EFNA1: variants seen among roughly 807,000 people sequenced by gnomAD.
The protein encoded by EFNA1 is ephrin A1, also known as ephrin-A1.
Under a neutral mutation model 23.2 loss-of-function variants are expected in EFNA1, and 8 were observed. The ratio of observed to expected loss-of-function variants is 0.34; its 90% CI spans 0.20 to 0.62. The LOEUF (loss-of-function observed/expected upper bound fraction) is 0.62. Ranked by LOEUF, EFNA1 falls within the 20% of genes least tolerant of loss-of-function variation. EFNA1 has a pLI of 0.75. For synonymous variants in EFNA1, 89 were observed against 98.6 expected (o/e 0.90, Z 0.58); for missense variants, 217 against 260.0 (o/e 0.83, Z 1.14).
chr1:155,131,546 C>T lies in EFNA1; in HGVS notation c.300C>T (p.Gly100=). 2 of 1,613,746 alleles carry T rather than the reference C, an allele frequency of 1.2e-6. No homozygotes were observed. Among genetic ancestry groups the T allele is most frequent in the Non-Finnish European group, 1.7e-6 (2 of 1,179,912 alleles). Residue 100 remains glycine, a synonymous_variant, in exon 2 of 5, where the codon GGC becomes GGT. Transcript: ENST00000368407. ...GCAACCGGCCCAGTGCCAAGCATGG[C>T]CCGGAGAAGCTGTCTGAGAAGTTCC... ...WQCNRPSAKH[G]PEKLSEKFQR...
chr1:155,130,659 G>A (rs1664220654), intron 1 of EFNA1: 1 of 985,226 alleles, frequency 1.0e-6, no homozygotes, highest in African/African-American at 1.7e-5. Context: ...GTATAACTTT[G>A]AGTAGCTAGA....
chr1:155,133,297 G>A (rs1198429572), intron 2 of EFNA1, among the ~76,000 whole-genome samples: 1 of 152,146 alleles, frequency 6.6e-6, no homozygotes, highest in African/African-American at 2.4e-5. Context: ...CAGTGTCTAT[G>A]CTGAGGGTTA....
chr1:155,130,506 AGAGAGGG>A (rs1435250814), intron 1 of EFNA1: 9 of 972,906 alleles, frequency 9.3e-6, no homozygotes, highest in African/African-American at 1.9e-5. Flanking sequence ...GAGAGAGGGG[AGAGAGGG>A]GAGAGGGGAG....
At position 155,134,256 on chromosome 1, in the gene EFNA1, C is replaced by T. The variant is rs146467377; in HGVS notation, c.*189C>T. 374 of 606,278 alleles carry T rather than the reference C, an allele frequency of 6.2e-4. 1 individual carries two copies. The African/African-American group carries it at 6.6e-3, about 11-fold the overall frequency. 37.6% of individuals were successfully genotyped at this position (606,278 alleles called of 1,614,324 possible). On this transcript the variant is annotated 3_prime_UTR_variant, in exon 5 of 5. Transcript: ENST00000368407. The stretch of plus-strand genomic sequence containing the variant: ...TTTCAACCGGAAGGAGGCCAACCAG[C>T]CCGACAGTGCCATCCCCACCTTCAC...
At position 155,133,995 on chromosome 1, in the gene EFNA1, T is replaced by G. The variant is rs1442400747; in HGVS notation, c.546T>G (p.Ser182Arg). 8 of 1,614,154 alleles carry G rather than the reference T, an allele frequency of 5.0e-6. No homozygotes were observed. Among genetic ancestry groups the G allele is most frequent in the Non-Finnish European group, 6.8e-6 (8 of 1,180,030 alleles). Residue 182 changes from serine to arginine, a missense_variant, in exon 5 of 5, where the codon AGT (serine) becomes AGG (arginine). Coordinates refer to ENST00000368407, the MANE Select transcript of EFNA1 (RefSeq NM_004428.3). ...EVRVLHSIGH[S>R]AAPRLFPLAW... ...GGGTTCTACATAGCATCGGTCACAGTGCTGCCCCACGCCTCTTCCCACTTG... is the reference window on the plus strand; with the variant it reads ...GGGTTCTACATAGCATCGGTCACAGGGCTGCCCCACGCCTCTTCCCACTTG...
chr1:155,131,268 A>G, intron 1 of EFNA1, 71 bp from the exon 2 acceptor site: 1 of 1,535,124 alleles, frequency 6.5e-7, no homozygotes, highest in South Asian at 1.2e-5. Context: ...TCATGTAAAC[A>G]TTCAGAGGCC....
chr1:155,130,433 C>T, intron 1 of EFNA1: 1 of 859,190 alleles, frequency 1.2e-6, no homozygotes. Context: ...GGGGAATGAA[C>T]TAGGGGAGGG....
rs551006267 is a variant in EFNA1 at position 155,131,463 on chromosome 1, G to C, written c.217G>C (p.Glu73Gln). 4.2e-5 allele frequency: 68 copies of C among 1,614,008 alleles called. No individual in the cohort carries two copies. In the Admixed American group the frequency reaches 7.0e-4, roughly 17 times the overall value. The change falls in exon 2 of 5, where the codon GAG (glutamate) becomes CAG (glutamine). Residue 73 changes from glutamate (E) to glutamine (Q), a missense_variant. Transcript: ENST00000368407. ...GGAGCAGTACATACTGTACCTGGTG[G>C]AGCATGAGGAGTACCAGCTGTGCCA... ...AMEQYILYLV[E>Q]HEEYQLCQPQ... is the part of the protein sequence containing the mutation.
intron 1 of EFNA1, chr1:155,130,594 G>A (rs1664219250): frequency 1.0e-6 from 1 of 985,224 alleles, no homozygotes; most frequent in Non-Finnish European, 1.2e-6. Flanking sequence ...GGCTTTTAGA[G>A]ATAAAAGGAC....
rs1428550131 is a variant in EFNA1, at chr1:155,134,383, G to A, written c.*316G>A. Reference sequence around the variant, plus strand: ...CAGGCATGGTCCCTTAAGGCACAGTGGGAGCTGAGCTGGAAGGGGCCACGT... The same window carrying A: ...CAGGCATGGTCCCTTAAGGCACAGTAGGAGCTGAGCTGGAAGGGGCCACGT... On this transcript the variant is annotated 3_prime_UTR_variant, in exon 5 of 5. Coordinates refer to ENST00000368407, the MANE Select transcript of EFNA1 (RefSeq NM_004428.3). 6.1e-5 allele frequency: 24 copies of A among 391,988 alleles called. No individual in the cohort carries two copies. 24.3% of individuals were successfully genotyped at this position (391,988 alleles called of 1,614,324 possible).
chr1:155,130,474 G>A (rs1403121475), intron 1 of EFNA1: 2 of 976,544 alleles, frequency 2.0e-6, no homozygotes, highest in African/African-American at 1.8e-5. Context: ...GGAGGGGAGA[G>A]GAGGGGAGAG....
chr1:155,132,666 A>T (rs1296474591), intron 2 of EFNA1, among the ~76,000 whole-genome samples: 1 of 151,330 alleles, frequency 6.6e-6, no homozygotes, highest in East Asian at 2.0e-4. Context: ...CAACTCTACT[A>T]AAAAAATACA....
chr1:155,131,883 AT>A (rs1468702659), intron 2 of EFNA1, among the ~76,000 whole-genome samples: 1 of 152,200 alleles, frequency 6.6e-6, no homozygotes, highest in Admixed American at 6.5e-5. Flanking sequence ...AGAAACACAC[AT>A]AGGTTAAGAG....
At chr1:155,128,883 T>C (rs958853674) in intron 1 of EFNA1, among the ~76,000 whole-genome samples, 1 of 152,142 alleles carries the variant, frequency 6.6e-6, no homozygotes, top group Non-Finnish European at 1.5e-5. Flanking sequence ...TCTGAAGTTA[T>C]GGGAACAATA....
chr1:155,131,474 G>A lies in EFNA1; in HGVS notation c.228G>A (p.Glu76=), dbSNP rs1413613729. 1.9e-6 allele frequency: 3 copies of A among 1,613,724 alleles called. No individual in the cohort carries two copies. Among genetic ancestry groups the A allele is most frequent in the East Asian group, 2.2e-5 (1 of 44,896 alleles). The change falls in exon 2 of 5, where the codon GAG becomes GAA. Residue 76 remains glutamate, a synonymous_variant. Transcript: ENST00000368407. The stretch of plus-strand genomic sequence containing the variant: ...TACTGTACCTGGTGGAGCATGAGGA[G>A]TACCAGCTGTGCCAGCCCCAGTCCA... ...QYILYLVEHE[E]YQLCQPQSKD...
chr1:155,133,529 C>T lies in EFNA1; in HGVS notation c.415C>T (p.Arg139Cys), dbSNP rs1451875266. Residue 139 changes from arginine (R) to cysteine (C), a missense_variant, in exon 3 of 5, where the codon CGC becomes TGC. Coordinates refer to ENST00000368407, the MANE Select transcript of EFNA1 (RefSeq NM_004428.3). ...ISKPIHQHED[R>C]CLRLKVTVSG... ...CAAACCCATCCACCAGCATGAAGAC[C>T]GCTGCTTGAGGTTGAAGGTGACTGT... 6.2e-6 allele frequency: 10 copies of T among 1,614,018 alleles called. No individual in the cohort carries two copies. Among genetic ancestry groups the T allele is most frequent in the Middle Eastern group, 1.7e-4 (1 of 6,060 alleles).
chr1:155,131,279 C>T, intron 1 of EFNA1, 60 bp from the exon 2 acceptor site: 6 of 1,553,202 alleles, frequency 3.9e-6, no homozygotes, highest in Non-Finnish European at 5.2e-6. Flanking sequence ...TTCAGAGGCC[C>T]AAGGATCTGG....
intron 1 of EFNA1, chr1:155,130,634 G>C: frequency 1.0e-6 from 1 of 985,382 alleles, no homozygotes; most frequent in Non-Finnish European, 1.2e-6. Context: ...CTGAGAAGGG[G>C]AAAAGGAGAC....
At chr1:155,128,250 C>A (rs1664142801) in intron 1 of EFNA1, among the ~76,000 whole-genome samples, 181 bp downstream of exon 1, 1 of 152,136 alleles carries the variant, frequency 6.6e-6, no homozygotes, top group African/African-American at 2.4e-5. Flanking sequence ...CCGGGGCATG[C>A]TTGTGTCTAC....
Sources: allele counts gnomAD v4.1 joint callset (sites outside exome capture counted in the v4.1 genomes callset), GRCh38; gene constraint gnomAD v4.1.1; transcripts MANE v1.5; gene names NCBI Gene and HGNC (gene_info 2026-07-23, HGNC 2026-07-21).